Variants in NIPBL observed in about 807,000 individuals in gnomAD.
NIPBL encodes NIPBL cohesin loading factor, also known as nipped-B-like protein.
A neutral mutation model predicts 321.8 loss-of-function variants in NIPBL; 19 were observed. The observed-to-expected ratio is 0.06, with a 90% CI of 0.04 to 0.09. NIPBL has a LOEUF of 0.09. Ranked by LOEUF, NIPBL falls within the 10% of genes least tolerant of loss-of-function variation. The pLI is 1.00. For synonymous variants in NIPBL, 1,106 were observed against 1,114.1 expected (o/e 0.99, Z 0.14); for missense variants, 2,210 against 3,327.0 (o/e 0.66, Z 8.26).
At chr5:37,039,252 G>A (rs550553764) in intron 34 of NIPBL, among the ~76,000 whole-genome samples, 1 of 151,082 alleles carries the variant, frequency 6.6e-6, no homozygotes, top group South Asian at 2.1e-4. Flanking sequence ...GGAAATTGTT[G>A]ATATGCTTTA....
chr5:36,913,479 TC>T (rs956746503), intron 1 of NIPBL, among the ~76,000 whole-genome samples: 20 of 151,830 alleles, frequency 1.3e-4, no homozygotes, highest in African/African-American at 4.8e-4. Flanking sequence ...ATCTTCTACT[TC>T]CTGGGCTCAA....
At chr5:36,895,377 C>T (rs766003636) in intron 1 of NIPBL, among the ~76,000 whole-genome samples, 4 of 152,108 alleles carry the variant, frequency 2.6e-5, no homozygotes, top group Admixed American at 6.5e-5. Flanking sequence ...GCTTGATGGA[C>T]GCATGGATTG....
chr5:36,927,350 A>G (rs1186870809), intron 1 of NIPBL, among the ~76,000 whole-genome samples: 1 of 152,176 alleles, frequency 6.6e-6, no homozygotes, highest in Non-Finnish European at 1.5e-5. Flanking sequence ...CTTGTAGATC[A>G]TTATAAGGAT....
At chr5:37,010,264 T>C (rs200426656) in intron 21 of NIPBL, 39 bp downstream of exon 21, 107 of 1,413,678 alleles carry the variant, frequency 7.6e-5, no homozygotes, top group Non-Finnish European at 9.8e-5. Flanking sequence ...TGTACTTTTA[T>C]TGAAGGAAAT....
At chr5:37,028,937 T>C (rs1229038356) in intron 32 of NIPBL, among the ~76,000 whole-genome samples, 1 of 152,230 alleles carries the variant, frequency 6.6e-6, no homozygotes, top group Non-Finnish European at 1.5e-5. Flanking sequence ...TCTCCCACAT[T>C]CTGGATTTAA....
chr5:37,005,810 C>G (rs1428505998), intron 16 of NIPBL, among the ~76,000 whole-genome samples: 1 of 152,124 alleles, frequency 6.6e-6, no homozygotes, highest in African/African-American at 2.4e-5. Flanking sequence ...TCTGTCAGTT[C>G]TTAAATTATC....
intron 10 of NIPBL, among the ~76,000 whole-genome samples, chr5:36,994,894 T>G (rs1471543861): frequency 6.6e-6 from 1 of 152,082 alleles, no homozygotes; most frequent in Non-Finnish European, 1.5e-5. Flanking sequence ...TGTGGGAAGA[T>G]ATGAACTTGA....
rs1214505088 is a variant in NIPBL, at chr5:36,955,160, A to G, written c.65-312A>G. ...GAACAAATGAGATTAATGAATTGCTACATTGGAAGTTAGTTTGTAACCATG... is the reference window on the plus strand; with the variant it reads ...GAACAAATGAGATTAATGAATTGCTGCATTGGAAGTTAGTTTGTAACCATG... On this transcript the variant is annotated intron_variant, in intron 2 of 46. Coordinates refer to ENST00000282516, the MANE Select transcript of NIPBL (RefSeq NM_133433.4). 11 of 301,296 alleles carry G rather than the reference A, an allele frequency of 3.7e-5. No homozygotes were observed. The East Asian group carries it at 8.0e-4, about 22-fold the overall frequency. The allele number at this position is 301,296 out of a possible 1,614,324, so 18.7% of individuals were successfully genotyped here.
intron 1 of NIPBL, chr5:36,886,379 TTGA>T (rs1745908169): frequency 2.8e-6 from 2 of 726,220 alleles, no homozygotes; most frequent in East Asian, 2.5e-5. Flanking sequence ...AACTTCAGTC[TTGA>T]TGATGCCCTG....
intron 1 of NIPBL, among the ~76,000 whole-genome samples, chr5:36,905,490 G>A (rs190970502): frequency 1.1e-4 from 17 of 152,084 alleles, no homozygotes; most frequent in Admixed American, 9.2e-4. Context: ...TGAGTGAGGC[G>A]GTTTCCCCTG....
chr5:36,959,010 A>G (rs1741298552), intron 4 of NIPBL, among the ~76,000 whole-genome samples: 1 of 152,092 alleles, frequency 6.6e-6, no homozygotes, highest in South Asian at 2.1e-4. Context: ...AGTTAAGACC[A>G]GCCTGGGCAA....
chr5:36,986,687 G>C (rs1744845806), intron 10 of NIPBL, among the ~76,000 whole-genome samples: 1 of 152,116 alleles, frequency 6.6e-6, no homozygotes, highest in African/African-American at 2.4e-5. Context: ...TTACAGACCT[G>C]TGTCTGAGCC....
chr5:36,971,962 A>G lies in NIPBL; in HGVS notation c.789A>G (p.Thr263=). 1 of 1,612,862 alleles carries G rather than the reference A, an allele frequency of 6.2e-7. No individual in the cohort carries two copies. The highest frequency in any genetic ancestry group is 8.5e-7 in the Non-Finnish European group (1 of 1,179,018). ...RLSSDDGDSS[T]MRNAASFPLR... ...ATTTTTAGGATGGAGATTCTTCAAC[A>G]ATGAGGAATGCTGCATCTTTTCCCT... is the stretch of plus-strand genomic sequence containing the variant. The change falls in exon 8 of 47, where the codon ACA becomes ACG. Residue 263 remains threonine (T), a synonymous_variant. Transcript: ENST00000282516.
rs555928531 is a variant in NIPBL, at chr5:37,042,658, C to T, written c.6109-1689C>T. On this transcript the variant is annotated intron_variant, in intron 34 of 46. Coordinates refer to ENST00000282516, the MANE Select transcript of NIPBL (RefSeq NM_133433.4). ...TACAAAAATTAGCCAGGCGTGGTGG[C>T]AGGCTAGTTGTCGATCCATATTCCC... is the stretch of plus-strand genomic sequence containing the variant. Among the ~76,000 whole-genome samples the T allele has an allele frequency of 3.3e-5, 5 of 151,662 alleles. No individual in the cohort carries two copies. In the East Asian group the frequency reaches 9.7e-4, roughly 29 times the overall value.
intron 21 of NIPBL, among the ~76,000 whole-genome samples, chr5:37,010,469 C>T (rs1266151488): frequency 6.6e-6 from 1 of 152,154 alleles, no homozygotes; most frequent in Non-Finnish European, 1.5e-5. Flanking sequence ...GCACGCACCA[C>T]CACGCCCGGC....
chr5:36,939,196 T>C (rs1738791751), intron 1 of NIPBL, among the ~76,000 whole-genome samples: 1 of 152,174 alleles, frequency 6.6e-6, no homozygotes, highest in Admixed American at 6.5e-5. Context: ...AGAGATGGGC[T>C]TTTGCCATAT....
At chr5:36,981,201 T>C (rs1416676343) in intron 9 of NIPBL, among the ~76,000 whole-genome samples, 1 of 151,708 alleles carries the variant, frequency 6.6e-6, no homozygotes. Context: ...CTTTAGGATA[T>C]GAGTTTGTTT....
At chr5:36,884,831 C>G (rs1745768998) in intron 1 of NIPBL, among the ~76,000 whole-genome samples, 1 of 152,066 alleles carries the variant, frequency 6.6e-6, no homozygotes, top group Admixed American at 6.6e-5. Context: ...GGGCTTCTTG[C>G]TTTGGGGGTA....
intron 24 of NIPBL, among the ~76,000 whole-genome samples, chr5:37,017,469 G>C (rs1749120541): frequency 6.6e-6 from 1 of 151,932 alleles, no homozygotes; most frequent in Admixed American, 6.6e-5. Context: ...TTACTGAATG[G>C]TGATTTAGCA....
Sources: gnomAD v4.1 joint callset for allele counts (sites outside exome capture counted in the v4.1 genomes callset) on GRCh38, gnomAD v4.1.1 for gene constraint, MANE v1.5 for transcripts, NCBI Gene and HGNC (gene_info 2026-07-23, HGNC 2026-07-21) for gene names.